SNRPN: variants seen among roughly 807,000 people sequenced by gnomAD.
The protein encoded by SNRPN is small nuclear ribonucleoprotein polypeptide N.
In SNRPN, 7 loss-of-function variants were observed where a neutral mutation model predicts 25.2. That is an observed-to-expected ratio of 0.28 (90% CI 0.16 to 0.52). The LOEUF (loss-of-function observed/expected upper bound fraction) is 0.52. SNRPN is among the 20% of genes least tolerant of loss of function. The pLI is 0.96. For synonymous variants in SNRPN, 124 were observed against 110.6 expected, an observed-to-expected ratio of 1.12 and a Z score of -0.76; for missense variants, 196 against 322.5, an observed-to-expected ratio of 0.61 and a Z score of 3.00.
intron 1 of SNRPN, among the ~76,000 whole-genome samples, chr15:24,871,499 C>T (rs766845693): frequency 6.6e-6 from 1 of 151,878 alleles, no homozygotes; most frequent in African/African-American, 2.4e-5. Flanking sequence ...GTATATCTTA[C>T]GGTGATTTAG....
At chr15:24,826,383 G>A (rs530111374) in intron 1 of SNRPN, among the ~76,000 whole-genome samples, 1 of 152,248 alleles carries the variant, frequency 6.6e-6, no homozygotes, top group South Asian at 2.1e-4. Flanking sequence ...TGAGGAAATA[G>A]TGGGCTTGCA....
chr15:24,965,670 T>C (rs560403473), intron 2 of SNRPN, among the ~76,000 whole-genome samples: 6 of 152,284 alleles, frequency 3.9e-5, no homozygotes, highest in Non-Finnish European at 5.9e-5. Context: ...AAATTGGAAA[T>C]TGGAGCTGGA....
At chr15:24,827,531 AAAAAG>A (rs1218242989) in intron 1 of SNRPN, among the ~76,000 whole-genome samples, 1 of 150,136 alleles carries the variant, frequency 6.7e-6, no homozygotes, top group Admixed American at 6.6e-5. Context: ...AAAAAAAAAA[AAAAAG>A]AAACACTGTA....
At chr15:24,968,651 T>A (rs2153591112) in intron 3 of SNRPN, 1 of 152,834 alleles carries the variant, frequency 6.5e-6, no homozygotes, top group East Asian at 1.9e-4. Context: ...TTTATGTCAG[T>A]GAATTATAAA....
At chr15:24,963,063 C>G (rs2075085475) in intron 2 of SNRPN, among the ~76,000 whole-genome samples, 1 of 152,056 alleles carries the variant, frequency 6.6e-6, no homozygotes, top group African/African-American at 2.4e-5. Flanking sequence ...AGACCTTGTC[C>G]TATGCATTGT....
chr15:24,955,286 C>A (rs906108254), intron 1 of SNRPN, among the ~76,000 whole-genome samples: 1 of 152,030 alleles, frequency 6.6e-6, no homozygotes, highest in South Asian at 2.1e-4. Context: ...GTCCCCCATC[C>A]GCCCCCAACT....
At chr15:24,965,585 C>T (rs1264817260) in intron 2 of SNRPN, among the ~76,000 whole-genome samples, 1 of 152,102 alleles carries the variant, frequency 6.6e-6, no homozygotes, top group Non-Finnish European at 1.5e-5. Flanking sequence ...ATTTTTTATT[C>T]TGTCTTTCAG....
At position 24,978,691 on chromosome 15, in the gene SNRPN, A is replaced by C; in HGVS notation, c.*247A>C. 1 of 539,684 alleles carries C rather than the reference A, an allele frequency of 1.9e-6. No homozygotes were observed. Among genetic ancestry groups the C allele is most frequent in the Admixed American group, 3.5e-5 (1 of 28,824 alleles). The allele number at this position is 539,684 out of a possible 1,614,324, so 33.4% of individuals were successfully genotyped here. ...GTTGATTCAAATCATATTCTCTTTA[A>C]TTCTTAGGATAAAAAGGTTTTCTGC... On this transcript the variant is annotated 3_prime_UTR_variant, in exon 10 of 10. Coordinates refer to ENST00000390687, the MANE Select transcript of SNRPN (RefSeq NM_003097.6).
chr15:24,929,631 A>C lies in SNRPN; in HGVS notation c.-391+9507A>C, dbSNP rs906222894. Among the ~76,000 whole-genome samples, 6 of 151,836 alleles carry C rather than the reference A, an allele frequency of 4.0e-5. No individual in the cohort carries two copies. In the East Asian group the frequency reaches 1.2e-3, roughly 30 times the overall value. On this transcript the variant is annotated intron_variant, in intron 3 of 11. Coordinates refer to the SNRPN transcript ENST00000400097. The surrounding 1 kb of genome is among the most constrained non-coding windows in gnomAD (Gnocchi z 5.3). ...AAATGGCCCAGGGCCCTGGGCTGAG[A>C]CCCAGCCAACTCTCTATGGGGCTGC...
intron 2 of SNRPN, among the ~76,000 whole-genome samples, chr15:24,914,971 G>A (rs2059426010): frequency 6.6e-6 from 1 of 151,902 alleles, no homozygotes; most frequent in Non-Finnish European, 1.5e-5. Flanking sequence ...GAAACATCAG[G>A]GATAAGGGGG....
rs527274597 is a variant in SNRPN at position 24,828,024 on chromosome 15, A to G, written c.-686-1774A>G. On this transcript the variant is annotated intron_variant, in intron 1 of 12. Coordinates refer to the SNRPN transcript ENST00000400100. ...CGGCCCTTATGTGGTACATGACCCT[A>G]TACACATAACAGCATATTTTATATT... Among the ~76,000 whole-genome samples the G allele has an allele frequency of 1.3e-4, 20 of 152,230 alleles. 1 individual carries two copies. The highest frequency in any genetic ancestry group is 4.3e-4 in the African/African-American group (18 of 41,484).
intron 2 of SNRPN, among the ~76,000 whole-genome samples, chr15:24,912,958 G>C (rs2059303345): frequency 6.6e-6 from 1 of 151,952 alleles, no homozygotes; most frequent in African/African-American, 2.4e-5. Flanking sequence ...TTATTTTTTT[G>C]AGACAGAGTC....
intron 2 of SNRPN, among the ~76,000 whole-genome samples, chr15:24,831,988 G>A (rs1326317170): frequency 1.1e-4 from 16 of 151,582 alleles, no homozygotes; most frequent in Non-Finnish European, 5.9e-5. Context: ...TCCCAAGGCA[G>A]ATTTTATTAC....
At chr15:24,954,922 C>T, upstream of SNRPN, 2 of 1,398,626 alleles carry the variant, frequency 1.4e-6, no homozygotes, top group Non-Finnish European at 2.0e-6. Context: ...GCCGCAGAGG[C>T]AGGCTGGCGC....
intron 2 of SNRPN, among the ~76,000 whole-genome samples, chr15:24,903,833 G>C (rs934598715): frequency 6.6e-6 from 1 of 152,098 alleles, no homozygotes; most frequent in Admixed American, 6.5e-5. Context: ...AGGAGTTCGA[G>C]ACCAGCTTGG....
intron 3 of SNRPN, among the ~76,000 whole-genome samples, chr15:24,922,290 G>A (rs2060078248): frequency 6.6e-6 from 1 of 152,124 alleles, no homozygotes; most frequent in Admixed American, 6.6e-5. Flanking sequence ...GGCAGGGCTG[G>A]GGTATTAATT....
At chr15:24,902,976 ATTTTACAGAGTGCTGACTGGTCCAT>A (rs2058564025) in intron 2 of SNRPN, among the ~76,000 whole-genome samples, 1 of 152,248 alleles carries the variant, frequency 6.6e-6, no homozygotes, top group African/African-American at 2.4e-5. Flanking sequence ...TGATTGGTTC[ATTTTACAGAGTGCTGACTGGTCCAT>A]TTTTACAGAG....
chr15:24,901,529 A>G, intron 2 of SNRPN, among the ~76,000 whole-genome samples: 1 of 152,352 alleles, frequency 6.6e-6, no homozygotes, highest in South Asian at 2.1e-4. Flanking sequence ...GACTGAGACA[A>G]AAAAGAATGT....
At chr15:24,834,757 A>C (rs558613530) in intron 2 of SNRPN, among the ~76,000 whole-genome samples, 12,050 of 33,326 alleles carry the variant, frequency 0.36, 1,051 homozygotes, top group African/African-American at 0.45. Flanking sequence ...CTCTCTATAT[A>C]TATATATATA....
Sources: gnomAD v4.1 joint callset for allele counts (sites outside exome capture counted in the v4.1 genomes callset) on GRCh38, gnomAD v4.1.1 for gene constraint, Gnocchi (gnomAD v3.1) non-coding constraint, MANE v1.5 for transcripts, NCBI Gene and HGNC (gene_info 2026-07-23, HGNC 2026-07-21) for gene names.